GRAMD2B: variants seen among roughly 807,000 people sequenced by gnomAD.
GRAMD2B encodes GRAM domain containing 2B, also known as GRAM domain-containing protein 2B.
A neutral mutation model predicts 59.2 loss-of-function variants in GRAMD2B; 41 were observed. The ratio of observed to expected loss-of-function variants is 0.69; its 90% confidence interval spans 0.54 to 0.90. GRAMD2B has a LOEUF of 0.90. GRAMD2B is among the 40% of genes least tolerant of loss of function. The pLI, the probability that GRAMD2B is intolerant of heterozygous loss-of-function variation, is 0.00. For missense variants in GRAMD2B, 424 were observed against 500.5 expected (o/e 0.85, Z 1.46); for synonymous variants, 161 against 182.7 (o/e 0.88, Z 0.96).
intron 1 of GRAMD2B, among the ~76,000 whole-genome samples, chr5:126,404,845 G>A (rs1021675879): frequency 3.3e-5 from 5 of 151,760 alleles, no homozygotes; most frequent in Admixed American, 2.6e-4. Context: ...CACAGAAGAA[G>A]AATTATACAA....
intron 5 of GRAMD2B, among the ~76,000 whole-genome samples, chr5:126,475,070 A>G (rs893432271): frequency 3.3e-5 from 5 of 152,208 alleles, no homozygotes; most frequent in African/African-American, 1.2e-4. Flanking sequence ...GAACTTTCCA[A>G]TCAAGTTCCC....
At chr5:126,396,872 CTGGTGTGAGA>C (rs1196922773) in intron 1 of GRAMD2B, among the ~76,000 whole-genome samples, 1 of 152,186 alleles carries the variant, frequency 6.6e-6, no homozygotes, top group African/African-American at 2.4e-5. Context: ...GCCATTCTGA[CTGGTGTGAGA>C]TGGTATCTCA....
chr5:126,401,116 C>T (rs1592871), intron 1 of GRAMD2B, among the ~76,000 whole-genome samples: 118,599 of 151,880 alleles, frequency 0.78, 46,835 homozygotes, highest in Non-Finnish European at 0.84. Context: ...GCTTTCTTTA[C>T]TTTTTAAAAT....
Position 126,423,670 on chromosome 5 carries a change from A to G in GRAMD2B, c.64A>G (p.Ser22Gly), listed in dbSNP as rs754898048. The G allele has an allele frequency of 1.9e-6, 3 of 1,608,500 alleles. No individual in the cohort carries two copies. The highest frequency in any genetic ancestry group is 2.7e-5 in the African/African-American group (2 of 74,318). ...TGCGAAAGTGCTCGGGAAGAGGGAG[A>G]GCAAACTTGGCTCAGCCCAGTGAGT... ...KPAKVLGKRE[S>G]KLGSAHSEAE... Residue 22 changes from serine (S) to glycine (G), a missense_variant, in exon 1 of 14, where the codon AGC becomes GGC. By Grantham distance (56) the Ser-to-Gly change is moderately conservative. Coordinates refer to ENST00000285689, the MANE Select transcript of GRAMD2B (RefSeq NM_023927.4).
At chr5:126,423,750 T>G in intron 1 of GRAMD2B, 61 bp downstream of exon 1, 2 of 1,505,874 alleles carry the variant, frequency 1.3e-6, no homozygotes, top group Non-Finnish European at 1.8e-6. Flanking sequence ...TAAACTTCTC[T>G]GCCCCGGGAC....
chr5:126,371,595 A>C, intron 1 of GRAMD2B: 1 of 1,267,112 alleles, frequency 7.9e-7, no homozygotes, highest in Non-Finnish European at 1.0e-6. Flanking sequence ...CTGGCCATCC[A>C]CGTCTGTCCC....
rs73334486 is a variant in GRAMD2B at position 126,452,679 on chromosome 5, G to A, written c.84-12747G>A. Among the ~76,000 whole-genome samples, 1,172 of 152,128 alleles carry A rather than the reference G, an allele frequency of 7.7e-3. 16 individuals are homozygous for A. Among genetic ancestry groups the A allele is most frequent in the African/African-American group, 0.027 (1,119 of 41,490 alleles). On this transcript the variant is annotated intron_variant, in intron 1 of 13. Coordinates refer to ENST00000285689, the MANE Select transcript of GRAMD2B (RefSeq NM_023927.4). ...GACACCACTTCTCCTTGGCATTCCT[G>A]ATATATAAGTCAGTTCTTTCCTTTC...
At chr5:126,468,204 G>C (rs567106595) in intron 2 of GRAMD2B, among the ~76,000 whole-genome samples, 1 of 152,096 alleles carries the variant, frequency 6.6e-6, no homozygotes, top group African/African-American at 2.4e-5. Flanking sequence ...TTGAAGTTAC[G>C]TACAAATGTA....
chr5:126,404,442 C>A (rs1405586079), intron 1 of GRAMD2B, among the ~76,000 whole-genome samples: 1 of 151,918 alleles, frequency 6.6e-6, no homozygotes, highest in Admixed American at 6.6e-5. Context: ...TTGATGTTAA[C>A]CCCCTAAAGG....
rs535810544 is a variant in GRAMD2B at position 126,429,081 on chromosome 5, T to C, written c.83+5392T>C. On this transcript the variant is annotated intron_variant, in intron 1 of 13. Transcript: ENST00000285689. ...TAAATTGTTCTTTTATAAAGACACA[T>C]GCATGTGTATGTTCACTGCAGCACT... Among the ~76,000 whole-genome samples the C allele has an allele frequency of 4.6e-5, 7 of 152,244 alleles. No individual in the cohort carries two copies. In the South Asian group the frequency reaches 1.5e-3, roughly 32 times the overall value.
At chr5:126,481,110 T>C (rs776723518) in intron 8 of GRAMD2B, among the ~76,000 whole-genome samples, 22 of 148,798 alleles carry the variant, frequency 1.5e-4, no homozygotes, top group Non-Finnish European at 2.8e-4. Flanking sequence ...CACTGTAGGA[T>C]ACCAGGAAAA....
rs1000669842 is a variant in GRAMD2B, at chr5:126,428,621, A to T, written c.83+4932A>T. ...GGCTTTCCTGTCTCCTACAGGTGTG[A>T]CCTGGCAAGTTACTCAGCACCTCTA... On this transcript the variant is annotated intron_variant, in intron 1 of 13. Transcript: ENST00000285689. Among the ~76,000 whole-genome samples the T allele has an allele frequency of 2.6e-5, 4 of 152,192 alleles. No individual in the cohort carries two copies. In the East Asian group the frequency reaches 7.7e-4, roughly 29 times the overall value.
chr5:126,484,265 A>G (rs1772446772), intron 9 of GRAMD2B, 137 bp from the exon 10 acceptor site: 2 of 954,504 alleles, frequency 2.1e-6, no homozygotes, highest in Middle Eastern at 3.4e-4. Flanking sequence ...AGCCCCAGCC[A>G]CCACAACTAA....
intron 1 of GRAMD2B, among the ~76,000 whole-genome samples, chr5:126,373,649 C>T (rs1455472369): frequency 1.3e-5 from 2 of 152,128 alleles, no homozygotes; most frequent in African/African-American, 4.8e-5. Flanking sequence ...TATGTGCATA[C>T]ATAAATACAT....
chr5:126,439,393 C>T (rs1451108427), intron 1 of GRAMD2B, among the ~76,000 whole-genome samples: 1 of 146,966 alleles, frequency 6.8e-6, no homozygotes, highest in Non-Finnish European at 1.5e-5. Flanking sequence ...GTGGCATGAC[C>T]TCAGCTCACT....
Position 126,474,436 on chromosome 5 carries a change from T to C in GRAMD2B, c.486+1068T>C, listed in dbSNP as rs541729719. ...ATTCTTTTTTATTGATTTTTTATCA[T>C]ATAGAGCTATGTTTAGCTAAGCATT... On this transcript the variant is annotated intron_variant, in intron 5 of 13. Coordinates refer to ENST00000285689, the MANE Select transcript of GRAMD2B (RefSeq NM_023927.4). Among the ~76,000 whole-genome samples the C allele has an allele frequency of 6.6e-5, 10 of 152,352 alleles. No homozygotes were observed. The South Asian group carries it at 2.1e-3, about 32-fold the overall frequency.
At chr5:126,491,332 G>A (rs56387034) in intron 13 of GRAMD2B, among the ~76,000 whole-genome samples, 50,353 of 152,050 alleles carry the variant, frequency 0.33, 10,011 homozygotes, top group East Asian at 0.69. Context: ...TGTCTCTTAC[G>A]GGAACTGAAG....
intron 1 of GRAMD2B, among the ~76,000 whole-genome samples, chr5:126,399,513 C>A (rs1384242431): frequency 1.3e-5 from 2 of 152,084 alleles, no homozygotes; most frequent in Non-Finnish European, 2.9e-5. Context: ...TCTCTCCTCC[C>A]ACCATGTAAG....
intron 1 of GRAMD2B, among the ~76,000 whole-genome samples, chr5:126,430,616 G>A (rs1183607755): frequency 6.6e-6 from 1 of 151,960 alleles, no homozygotes; most frequent in East Asian, 1.9e-4. Context: ...TTGTTCCATA[G>A]GCTTGATTTA....
Sources: allele counts gnomAD v4.1 joint callset (sites outside exome capture counted in the v4.1 genomes callset), GRCh38; gene constraint gnomAD v4.1.1; transcripts MANE v1.5; gene names NCBI Gene and HGNC (gene_info 2026-07-23, HGNC 2026-07-21).